The following COL4A6 variants were observed in gnomAD, a reference collection of about 807,000 sequenced individuals.
COL4A6 encodes the protein collagen type IV alpha 6 chain.
Under a neutral mutation model 126.7 loss-of-function variants are expected in COL4A6, and 59 were observed. The ratio of observed to expected loss-of-function variants is 0.47; its 90% CI spans 0.38 to 0.58. The LOEUF (loss-of-function observed/expected upper bound fraction) is 0.58. Among genes scored for constraint, COL4A6 ranks in the 20% least tolerant of loss-of-function variants. The pLI, the probability that COL4A6 is intolerant of heterozygous loss-of-function variation, is 0.00. For synonymous variants in COL4A6, 547 were observed against 496.6 expected (o/e 1.10, Z -1.35); for missense variants, 1,285 against 1,337.3 (o/e 0.96, Z 0.61).
chrX:108,333,508 A>T (rs2039356817), intron 2 of COL4A6, among the ~76,000 whole-genome samples: 1 of 111,057 alleles, frequency 9.0e-6, no homozygotes, highest in Non-Finnish European at 1.9e-5. Context: ...AATGAGAACA[A>T]GACAAGTTTG....
intron 2 of COL4A6, among the ~76,000 whole-genome samples, chrX:108,345,555 A>G (rs972563409): frequency 3.6e-5 from 4 of 111,493 alleles, no homozygotes; most frequent in Non-Finnish European, 7.5e-5. Context: ...TGATTACAAA[A>G]CCAGGTGTGA....
Position 108,187,217 on chromosome X carries a change from G to A in COL4A6, c.1830C>T (p.Gly610=). 8.4e-7 allele frequency: 1 copy of A among 1,193,118 alleles called. No individual in the cohort carries two copies. The highest frequency in any genetic ancestry group is 1.1e-6 in the Non-Finnish European group (1 of 883,700). ...KGLPGLPGEK[G]HPGPPGLPGN... ...CTGGGAGGCCAGGTGGACCAGGATG[G>A]CCTTTTTCACCAGGAAGTCCAGGTA... The change falls in exon 23 of 45, where the codon GGC becomes GGT. Residue 610 remains glycine, a synonymous_variant. Coordinates refer to ENST00000334504, the MANE Select transcript of COL4A6 (RefSeq NM_033641.4).
intron 2 of COL4A6, among the ~76,000 whole-genome samples, chrX:108,421,852 C>T (rs779148764): frequency 8.9e-6 from 1 of 111,733 alleles, no homozygotes; most frequent in Non-Finnish European, 1.9e-5. Flanking sequence ...TTTGCATTGG[C>T]AGTGTTTTAC....
In COL4A6 at chrX:108,226,656, T is replaced by C. The variant is rs781294079; in HGVS notation, c.145-5282A>G. 1.3e-4 allele frequency among the ~76,000 whole-genome samples: 14 copies of C among 111,010 alleles called. No individual in the cohort carries two copies. The South Asian group carries it at 3.9e-3, about 31-fold the overall frequency. ...CCAACATGCCCCAAACTGAACCACA[T>C]TGGCTTCTCCTCAACCCCATTCTCC... On this transcript the variant is annotated intron_variant, in intron 3 of 44. Transcript: ENST00000334504.
At chrX:108,340,272 G>C (rs1281523265) in intron 2 of COL4A6, among the ~76,000 whole-genome samples, 1 of 111,015 alleles carries the variant, frequency 9.0e-6, no homozygotes, top group Non-Finnish European at 1.9e-5. Flanking sequence ...CCTGAAATAT[G>C]GCTAGTTCTA....
intron 2 of COL4A6, among the ~76,000 whole-genome samples, chrX:108,376,747 CTCTT>C (rs1161077496): frequency 1.5e-4 from 17 of 112,847 alleles, no homozygotes; most frequent in Non-Finnish European, 2.6e-4. Flanking sequence ...GCAATTATTG[CTCTT>C]TTTTTCTGAA....
At chrX:108,387,294 A>T (rs1433998300) in intron 2 of COL4A6, among the ~76,000 whole-genome samples, 1 of 112,123 alleles carries the variant, frequency 8.9e-6, no homozygotes, top group Non-Finnish European at 1.9e-5. Flanking sequence ...GAATCTATAA[A>T]TTACTTTGGG....
At chrX:108,342,609 G>A (rs764391930) in intron 2 of COL4A6, among the ~76,000 whole-genome samples, 9 of 111,676 alleles carry the variant, frequency 8.1e-5, no homozygotes, top group South Asian at 7.5e-4. Context: ...CACATTCTAC[G>A]AATAATTATG....
intron 2 of COL4A6, among the ~76,000 whole-genome samples, chrX:108,435,840 T>G (rs142779204): frequency 2.1e-4 from 23 of 111,953 alleles, no homozygotes; most frequent in African/African-American, 7.5e-4. Context: ...CACAACATAG[T>G]TCCTGCCAAT....
At chrX:108,401,375 C>A (rs975663475) in intron 2 of COL4A6, among the ~76,000 whole-genome samples, 4 of 110,345 alleles carry the variant, frequency 3.6e-5, no homozygotes, top group African/African-American at 1.3e-4. Context: ...AATATAATAT[C>A]TATTTAATAT....
chrX:108,215,931 C>T (rs1164607066), intron 5 of COL4A6, among the ~76,000 whole-genome samples: 2 of 111,363 alleles, frequency 1.8e-5, no homozygotes, highest in Non-Finnish European at 3.8e-5. Flanking sequence ...TGCTGGGATC[C>T]TGATCACCAC....
chrX:108,396,703 G>C (rs887860560), intron 2 of COL4A6, among the ~76,000 whole-genome samples: 1 of 111,779 alleles, frequency 8.9e-6, no homozygotes, highest in East Asian at 2.8e-4. Context: ...ATGCACCTAA[G>C]ATTTATAAAA....
chrX:108,156,631 G>T lies in COL4A6; in HGVS notation c.*369C>A. On this transcript the variant is annotated 3_prime_UTR_variant, in exon 45 of 45. Transcript: ENST00000334504. Reference sequence around the variant, plus strand: ...ATAATGTGTGCTGACCTCTGTACATGAAGAAATGACTGATTAGCGATTAGG... The same window carrying T: ...ATAATGTGTGCTGACCTCTGTACATTAAGAAATGACTGATTAGCGATTAGG... The T allele has an allele frequency of 4.3e-6, 1 of 232,822 alleles. No individual in the cohort carries two copies. 19.2% of individuals were successfully genotyped at this position (232,822 alleles called of 1,213,427 possible).
chrX:108,281,484 G>C (rs1314991155), intron 3 of COL4A6, among the ~76,000 whole-genome samples: 2 of 97,686 alleles, frequency 2.0e-5, no homozygotes, highest in Non-Finnish European at 4.2e-5. Context: ...CACTGCTCAA[G>C]GAAATAAAAG....
intron 2 of COL4A6, among the ~76,000 whole-genome samples, chrX:108,358,653 C>G (rs890647779): frequency 1.8e-5 from 2 of 111,797 alleles, no homozygotes; most frequent in African/African-American, 6.5e-5. Context: ...CCTCAGCCTC[C>G]CAGAGTGCTG....
At chrX:108,414,500 C>T in intron 2 of COL4A6, among the ~76,000 whole-genome samples, 1 of 110,136 alleles carries the variant, frequency 9.1e-6, no homozygotes, top group Non-Finnish European at 1.9e-5. Context: ...CTACCCCTGG[C>T]TGGACACAGT....
At chrX:108,194,665 C>A in intron 15 of COL4A6, 78 bp from the exon 16 acceptor site, 8 of 951,024 alleles carry the variant, frequency 8.4e-6, no homozygotes, top group Non-Finnish European at 1.2e-5. Flanking sequence ...TAAGCCAGGG[C>A]AAATGGCACA....
chrX:108,225,228 C>G (rs2036135304), intron 3 of COL4A6, among the ~76,000 whole-genome samples: 1 of 111,977 alleles, frequency 8.9e-6, no homozygotes, highest in Non-Finnish European at 1.9e-5. Context: ...TGGGCCCGCC[C>G]CTGGGACTGT....
intron 2 of COL4A6, among the ~76,000 whole-genome samples, chrX:108,357,540 G>A (rs1408015014): frequency 9.0e-6 from 1 of 111,305 alleles, no homozygotes; most frequent in Non-Finnish European, 1.9e-5. Flanking sequence ...TAAAAAAACT[G>A]CTTCTGTGAT....
Sources: gnomAD v4.1 joint callset for allele counts (sites outside exome capture counted in the v4.1 genomes callset) on GRCh38, gnomAD v4.1.1 for gene constraint, MANE v1.5 for transcripts, NCBI Gene and HGNC (gene_info 2026-07-23, HGNC 2026-07-21) for gene names.